The following GALNT2 variants were observed in gnomAD, a reference collection of about 807,000 sequenced individuals.
GALNT2 encodes polypeptide N-acetylgalactosaminyltransferase 2.
Under a neutral mutation model 81.4 loss-of-function variants are expected in GALNT2, and 31 were observed. The observed-to-expected ratio is 0.38, with a 90% CI of 0.29 to 0.51. The LOEUF is 0.51. Ranked by LOEUF, GALNT2 falls within the 20% of genes least tolerant of loss-of-function variation. The pLI is 0.87. For synonymous variants in GALNT2, 303 were observed against 287.4 expected (o/e 1.05, Z -0.55); for missense variants, 629 against 765.7 (o/e 0.82, Z 2.11).
chr1:230,209,823 CA>C (rs11302394), intron 3 of GALNT2, among the ~76,000 whole-genome samples: 44,918 of 134,842 alleles, frequency 0.33, 6,661 homozygotes, highest in African/African-American at 0.4. Flanking sequence ...GACCTTGTCT[CA>C]AAAAAAAAAA....
intron 2 of GALNT2, among the ~76,000 whole-genome samples, chr1:230,183,037 T>C (rs1461926558): frequency 6.6e-6 from 1 of 152,242 alleles, no homozygotes; most frequent in Admixed American, 6.5e-5. Flanking sequence ...TCCTATGATC[T>C]AAAGTCTACA....
chr1:230,084,384 G>C (rs983029001), intron 1 of GALNT2, among the ~76,000 whole-genome samples: 1 of 152,206 alleles, frequency 6.6e-6, no homozygotes, highest in Non-Finnish European at 1.5e-5. Context: ...TCTGGGCTTG[G>C]AGAAGATCCT....
At chr1:230,173,249 G>T (rs1572048124) in intron 1 of GALNT2, among the ~76,000 whole-genome samples, 2 of 152,152 alleles carry the variant, frequency 1.3e-5, no homozygotes, top group Non-Finnish European at 1.5e-5. Flanking sequence ...GCTGCGTGTG[G>T]ATGCATCCAA....
rs994456903 is a variant in GALNT2, at chr1:230,280,230, G to T, written c.*772G>T. ...AGGTGGCCTTTGTCCCCTGGAGCCC[G>T]ATCAGCCAGTTGGTGCTACTGCTGT... is the stretch of plus-strand genomic sequence containing the variant. On this transcript the variant is annotated 3_prime_UTR_variant, in exon 16 of 16. Transcript: ENST00000366672. 2.9e-6 allele frequency: 1 copy of T among 346,328 alleles called. No homozygotes were observed. Among genetic ancestry groups the T allele is most frequent in the African/African-American group, 2.1e-5 (1 of 46,746 alleles). The allele number at this position is 346,328 out of a possible 1,614,324, so 21.5% of individuals were successfully genotyped here.
intron 3 of GALNT2, among the ~76,000 whole-genome samples, chr1:230,232,607 C>T (rs750476503): frequency 1.3e-5 from 2 of 152,184 alleles, no homozygotes; most frequent in Admixed American, 6.5e-5. Context: ...CAGCAATTCC[C>T]GCTGTGTTAA....
chr1:230,145,056 C>T (rs1661871064), intron 1 of GALNT2, among the ~76,000 whole-genome samples: 1 of 152,120 alleles, frequency 6.6e-6, no homozygotes, highest in Non-Finnish European at 1.5e-5. Flanking sequence ...TCCCGATGGC[C>T]ACTCCAGAGC....
intron 14 of GALNT2, among the ~76,000 whole-genome samples, chr1:230,273,554 C>T (rs1362977622): frequency 1.3e-5 from 2 of 152,218 alleles, no homozygotes; most frequent in Non-Finnish European, 2.9e-5. Flanking sequence ...ACCTTCCAGT[C>T]CCTGCTGTGG....
At chr1:230,255,922 A>G (rs1394171869) in intron 11 of GALNT2, among the ~76,000 whole-genome samples, 1 of 152,220 alleles carries the variant, frequency 6.6e-6, no homozygotes, top group Admixed American at 6.5e-5. Context: ...ATTTAAAATG[A>G]ACAGAAATTT....
upstream of GALNT2, among the ~76,000 whole-genome samples, chr1:230,065,097 T>A (rs947487356): frequency 3.9e-5 from 6 of 152,230 alleles, no homozygotes; most frequent in African/African-American, 9.6e-5. Flanking sequence ...TTTTATTGTT[T>A]AATGTTTGTA....
At chr1:230,238,052 G>T (rs76463020) in intron 6 of GALNT2, among the ~76,000 whole-genome samples, 2,010 of 152,300 alleles carry the variant, frequency 0.013, 49 homozygotes, top group African/African-American at 0.045. Flanking sequence ...AGAAGGGTGG[G>T]TTGGGAGAAG....
intron 3 of GALNT2, among the ~76,000 whole-genome samples, chr1:230,206,376 T>A (rs1169726611): frequency 6.6e-6 from 1 of 152,160 alleles, no homozygotes; most frequent in Non-Finnish European, 1.5e-5. Flanking sequence ...TAATTTTAGT[T>A]CCAGCCAGTG....
At chr1:230,077,674 CA>C (rs1180505018) in intron 1 of GALNT2, among the ~76,000 whole-genome samples, 5 of 152,160 alleles carry the variant, frequency 3.3e-5, no homozygotes, top group Non-Finnish European at 7.3e-5. Context: ...CTTTTTGACT[CA>C]GATGTTAGTG....
At chr1:230,084,185 G>C (rs1359738601) in intron 1 of GALNT2, among the ~76,000 whole-genome samples, 1 of 152,230 alleles carries the variant, frequency 6.6e-6, no homozygotes, top group African/African-American at 2.4e-5. Context: ...CAGGGAGACA[G>C]TGGGGAGCCA....
At chr1:230,165,073 G>A (rs915848193) in intron 1 of GALNT2, among the ~76,000 whole-genome samples, 12 of 152,124 alleles carry the variant, frequency 7.9e-5, no homozygotes, top group African/African-American at 2.9e-4. Flanking sequence ...AACATATCTG[G>A]GCTAAATTTT....
chr1:230,225,831 G>A (rs1443795886), intron 3 of GALNT2, among the ~76,000 whole-genome samples: 2 of 152,160 alleles, frequency 1.3e-5, no homozygotes, highest in Non-Finnish European at 2.9e-5. Context: ...TTCTTAAAAT[G>A]AAGTCTAAGA....
In GALNT2 at chr1:230,140,415, C is replaced by T. The variant is rs1481214206; in HGVS notation, c.127-37803C>T. On this transcript the variant is annotated intron_variant, in intron 1 of 15. Transcript: ENST00000366672. ...GCCAAGTCCCTGCCCTTCCCAGTGCCCCAGCCCCTGGACAGCAGTGCCTAG... is the reference window on the plus strand; with the variant it reads ...GCCAAGTCCCTGCCCTTCCCAGTGCTCCAGCCCCTGGACAGCAGTGCCTAG... Among the ~76,000 whole-genome samples, 6 of 152,234 alleles carry T rather than the reference C, an allele frequency of 3.9e-5. No homozygotes were observed. In the East Asian group the frequency reaches 1.2e-3, roughly 29 times the overall value.
intron 2 of GALNT2, among the ~76,000 whole-genome samples, chr1:230,182,301 T>G (rs1663185610): frequency 6.6e-6 from 1 of 152,192 alleles, no homozygotes; most frequent in South Asian, 2.1e-4. Flanking sequence ...TTTCTAGTTT[T>G]TTCAAGTAGA....
intron 1 of GALNT2, among the ~76,000 whole-genome samples, chr1:230,125,734 T>G (rs1305177284): frequency 6.6e-6 from 1 of 152,198 alleles, no homozygotes; most frequent in Non-Finnish European, 1.5e-5. Flanking sequence ...TCGGCTTAGA[T>G]GAGAAATTGT....
intron 1 of GALNT2, among the ~76,000 whole-genome samples, chr1:230,134,119 T>TGG (rs58535948): frequency 7.3e-6 from 1 of 137,282 alleles, no homozygotes; most frequent in African/African-American, 2.6e-5. Flanking sequence ...TCTGTTTTTT[T>TGG]TTTTTTTTTT....
Sources: allele counts gnomAD v4.1 joint callset (sites outside exome capture counted in the v4.1 genomes callset), GRCh38; gene constraint gnomAD v4.1.1; transcripts MANE v1.5; gene names NCBI Gene and HGNC (gene_info 2026-07-23, HGNC 2026-07-21).